Variants in EGFR observed in about 807,000 individuals in gnomAD.
The protein encoded by EGFR is avian erythroblastic leukemia viral (v-erb-b) oncogene homolog.
Under a neutral mutation model 143.0 loss-of-function variants are expected in EGFR, and 58 were observed. The observed-to-expected ratio is 0.41, with a 90% CI of 0.33 to 0.50. The LOEUF is 0.50. Ranked by LOEUF, EGFR falls within the 20% of genes least tolerant of loss-of-function variation. The pLI, the probability that EGFR is intolerant of heterozygous loss-of-function variation, is 0.39. For missense variants in EGFR, 1,307 were observed against 1,579.0 expected, an observed-to-expected ratio of 0.83 and a Z score of 2.92; for synonymous variants, 613 against 594.4, an observed-to-expected ratio of 1.03 and a Z score of -0.45.
chr7:55,172,560 C>T (rs1786399936), intron 16 of EGFR, among the ~76,000 whole-genome samples: 1 of 152,196 alleles, frequency 6.6e-6, no homozygotes, highest in African/African-American at 2.4e-5. Context: ...CCCAGCCTGG[C>T]CAGAGGCAGT....
intron 1 of EGFR, among the ~76,000 whole-genome samples, chr7:55,108,965 A>C (rs1313542484): frequency 6.6e-6 from 1 of 152,216 alleles, no homozygotes; most frequent in Non-Finnish European, 1.5e-5. Flanking sequence ...AGAAATGCCT[A>C]TGTAAACATA....
At chr7:55,187,120 A>T (rs1787173104) in intron 20 of EGFR, among the ~76,000 whole-genome samples, 1 of 152,178 alleles carries the variant, frequency 6.6e-6, no homozygotes, top group Non-Finnish European at 1.5e-5. Flanking sequence ...AAACCACCAG[A>T]TAAGGGACAC....
rs1005102216 is a variant in EGFR, at chr7:55,157,572, A to G, written c.1208-91A>G. ...AATTTTCCCACTTACTGTTCATATA[A>G]TACAGAGTCCCTGAGAGTCTAGAGT... On this transcript the variant is annotated intron_variant, in intron 10 of 27. Transcript: ENST00000275493. The G allele has an allele frequency of 2.5e-5, 26 of 1,045,316 alleles. No homozygotes were observed. The Admixed American group carries it at 4.0e-4, about 16-fold the overall frequency. The allele number at this position is 1,045,316 out of a possible 1,614,324, so 64.8% of individuals were successfully genotyped here. A position where few individuals can be genotyped will look rare whatever the true frequency, so the allele number is the denominator to read the frequency against.
chr7:55,190,425 T>C (rs549478717), intron 20 of EGFR, among the ~76,000 whole-genome samples: 35 of 152,328 alleles, frequency 2.3e-4, no homozygotes, highest in African/African-American at 8.4e-4. Flanking sequence ...CCCTAGGTTC[T>C]TATGATGACT....
At chr7:55,074,291 T>C (rs984136565) in intron 1 of EGFR, among the ~76,000 whole-genome samples, 5 of 152,242 alleles carry the variant, frequency 3.3e-5, no homozygotes, top group African/African-American at 9.6e-5. Context: ...AAGGACCACA[T>C]GTTCACTCTG....
At chr7:55,078,681 G>T (rs1790276831) in intron 1 of EGFR, among the ~76,000 whole-genome samples, 1 of 152,212 alleles carries the variant, frequency 6.6e-6, no homozygotes, top group African/African-American at 2.4e-5. Context: ...GGGCCCAGTC[G>T]CTTTGGTGAG....
intron 3 of EGFR, among the ~76,000 whole-genome samples, chr7:55,145,245 C>T (rs1040289571): frequency 2.0e-5 from 3 of 152,164 alleles, no homozygotes; most frequent in African/African-American, 4.8e-5. Context: ...GTCTGTTGTC[C>T]GAGCTGCCAC....
chr7:55,049,342 A>C (rs904487797), intron 1 of EGFR, among the ~76,000 whole-genome samples: 1 of 152,152 alleles, frequency 6.6e-6, no homozygotes. Context: ...AACTCATTTC[A>C]TTACCAAACC....
At chr7:55,036,405 C>T (rs990433214) in intron 1 of EGFR, among the ~76,000 whole-genome samples, 1 of 151,826 alleles carries the variant, frequency 6.6e-6, no homozygotes, top group Non-Finnish European at 1.5e-5. Flanking sequence ...GCTGGTGAGG[C>T]CATGTTGCCC....
chr7:55,036,124 G>C (rs1471941969), intron 1 of EGFR, among the ~76,000 whole-genome samples: 1 of 152,048 alleles, frequency 6.6e-6, no homozygotes, highest in Admixed American at 6.6e-5. Flanking sequence ...GGATGAGGGA[G>C]AGAGAGCTAA....
intron 1 of EGFR, among the ~76,000 whole-genome samples, chr7:55,022,077 C>A (rs577668025): frequency 1.1e-4 from 16 of 152,154 alleles, no homozygotes; most frequent in Non-Finnish European, 1.8e-4. Flanking sequence ...AGCTTCAACG[C>A]GGGCTGTCCG....
intron 11 of EGFR, among the ~76,000 whole-genome samples, chr7:55,159,218 T>A (rs1584187666): frequency 1.3e-5 from 2 of 152,018 alleles, no homozygotes; most frequent in Admixed American, 1.3e-4. Context: ...CAGAGGCTGG[T>A]GGTTCTCACA....
rs1786995254 is a variant in EGFR, at chr7:55,183,634, C to T, written c.2469+2156C>T. Among the ~76,000 whole-genome samples, 3 of 152,348 alleles carry T rather than the reference C, an allele frequency of 2.0e-5. No individual in the cohort carries two copies. In the South Asian group the frequency reaches 6.2e-4, roughly 32 times the overall value. ...AACCCAGACCTGCTTCCCCAGCTCT[C>T]CTCCTGGTTATCTGAAGCAGGGAAT... On this transcript the variant is annotated intron_variant, in intron 20 of 27. Coordinates refer to ENST00000275493, the MANE Select transcript of EGFR (RefSeq NM_005228.5).
intron 1 of EGFR, among the ~76,000 whole-genome samples, chr7:55,136,142 A>G (rs1393518403): frequency 6.6e-6 from 1 of 152,176 alleles, no homozygotes; most frequent in Non-Finnish European, 1.5e-5. Context: ...AAAAGAAATG[A>G]CCGGTCCTGA....
At chr7:55,184,013 G>C (rs368099770) in intron 20 of EGFR, among the ~76,000 whole-genome samples, 1 of 152,208 alleles carries the variant, frequency 6.6e-6, no homozygotes, top group Admixed American at 6.5e-5. Flanking sequence ...GGCAGGTTTC[G>C]CTCAATATAG....
chr7:55,086,483 G>A (rs1298245989), intron 1 of EGFR, among the ~76,000 whole-genome samples: 1 of 152,248 alleles, frequency 6.6e-6, no homozygotes, highest in African/African-American at 2.4e-5. Context: ...AAGTATAGCA[G>A]CAGAGTTTTC....
At chr7:55,035,019 G>A (rs567028616) in intron 1 of EGFR, among the ~76,000 whole-genome samples, 55 of 152,314 alleles carry the variant, frequency 3.6e-4, no homozygotes, top group Non-Finnish European at 6.5e-4. Flanking sequence ...GTAGTGGCAT[G>A]TGACACACTT....
intron 20 of EGFR, among the ~76,000 whole-genome samples, chr7:55,187,395 TCAGGA>T (rs1787187855): frequency 6.6e-5 from 10 of 152,156 alleles, no homozygotes; most frequent in Admixed American, 6.5e-4. Flanking sequence ...TGCCAAGATC[TCAGGA>T]TTTGATCCAG....
chr7:55,066,965 G>T (rs1374447624), intron 1 of EGFR, among the ~76,000 whole-genome samples: 3 of 152,210 alleles, frequency 2.0e-5, no homozygotes, highest in Non-Finnish European at 4.4e-5. Context: ...CTGGTCACTT[G>T]GGAGGCAGGC....
Sources: allele counts gnomAD v4.1 joint callset (sites outside exome capture counted in the v4.1 genomes callset), GRCh38; gene constraint gnomAD v4.1.1; transcripts MANE v1.5; gene names NCBI Gene and HGNC (gene_info 2026-07-23, HGNC 2026-07-21).